ATG4B: variants seen among roughly 807,000 people sequenced by gnomAD.
The protein encoded by ATG4B is cysteine protease ATG4B.
In ATG4B, 29 loss-of-function variants were observed where a neutral mutation model predicts 56.6. The observed-to-expected ratio is 0.51, with a 90% confidence interval of 0.38 to 0.70. The LOEUF (loss-of-function observed/expected upper bound fraction) is 0.70, where lower values mean the gene tolerates loss of function less well. Among genes scored for constraint, ATG4B ranks in the 30% least tolerant of loss-of-function variants. The pLI is 0.00. For synonymous variants in ATG4B, 224 were observed against 206.1 expected (o/e 1.09, Z -0.74); for missense variants, 461 against 515.5 (o/e 0.89, Z 1.02).
chr2:241,655,419 C>A, intron 6 of ATG4B, 76 bp downstream of exon 6: 1 of 1,424,908 alleles, frequency 7.0e-7, no homozygotes, highest in Non-Finnish European at 9.7e-7. Context: ...CTTGAGTCTT[C>A]ATGGCTACAG....
At chr2:241,659,059 C>T (rs199943164) in intron 6 of ATG4B, 49 bp from the exon 7 acceptor site, 198 of 1,430,402 alleles carry the variant, frequency 1.4e-4, no homozygotes, top group Non-Finnish European at 1.6e-4. Flanking sequence ...AAAGATGAAC[C>T]GTCTTTGAAT....
intron 1 of ATG4B, among the ~76,000 whole-genome samples, chr2:241,642,393 TA>T (rs986735866): frequency 6.6e-6 from 1 of 151,754 alleles, no homozygotes; most frequent in Non-Finnish European, 1.5e-5. Context: ...CTTGGAGATT[TA>T]AAAAAAAGTA....
chr2:241,652,250 A>G (rs1405626426), intron 3 of ATG4B, among the ~76,000 whole-genome samples: 1 of 152,264 alleles, frequency 6.6e-6, no homozygotes, highest in Non-Finnish European at 1.5e-5. Flanking sequence ...ATAGTTGCTC[A>G]TTCCACAGTT....
At position 241,671,848 on chromosome 2, in the gene ATG4B, C is replaced by G. The variant is rs1203464536; in HGVS notation, c.1109-343C>G. ...TGAAGTGAGTGGCCGTGAGCGCGTCCTCCTCATCTCTGTCTCCCTGTGGGA... is the reference window on the plus strand; with the variant it reads ...TGAAGTGAGTGGCCGTGAGCGCGTCGTCCTCATCTCTGTCTCCCTGTGGGA... On this transcript the variant is annotated intron_variant, in intron 12 of 12. Transcript: ENST00000404914. 3.9e-6 allele frequency: 5 copies of G among 1,287,726 alleles called. No individual in the cohort carries two copies. The Admixed American group carries it at 1.0e-4, about 26-fold the overall frequency. 79.8% of individuals were successfully genotyped at this position (1,287,726 alleles called of 1,614,324 possible).
chr2:241,666,556 T>C, intron 7 of ATG4B, 89 bp from the exon 8 acceptor site: 1 of 1,382,002 alleles, frequency 7.2e-7, no homozygotes, highest in South Asian at 1.2e-5. Context: ...CCGCCCTTTT[T>C]CTGTTACACA....
At chr2:241,656,161 G>A (rs908286130) in intron 6 of ATG4B, among the ~76,000 whole-genome samples, 1 of 151,994 alleles carries the variant, frequency 6.6e-6, no homozygotes, top group African/African-American at 2.4e-5. Flanking sequence ...GGCATCCCAC[G>A]TTCCACATTC....
At chr2:241,660,441 C>T (rs1469655776) in intron 7 of ATG4B, among the ~76,000 whole-genome samples, 4 of 152,228 alleles carry the variant, frequency 2.6e-5, no homozygotes, top group African/African-American at 9.6e-5. Flanking sequence ...GCTTCTGCAG[C>T]ATTGAGAGCT....
chr2:241,654,582 G>A lies in ATG4B; in HGVS notation c.320G>A (p.Ser107Asn). 6.2e-7 allele frequency: 1 copy of A among 1,602,420 alleles called. No individual in the cohort carries two copies. The highest frequency in any genetic ancestry group is 2.2e-5 in the East Asian group (1 of 44,540). The change falls in exon 5 of 13, where the codon AGC becomes AAC. Residue 107 changes from serine to asparagine, a missense_variant. By Grantham distance (46) the Ser-to-Asn change is conservative (BLOSUM62 1). Transcript: ENST00000404914. Reference protein sequence around the residue: ...RWTQRKRQPDSYFSVLNAFID... With the variant: ...RWTQRKRQPDNYFSVLNAFID... ...ACACAAAGGAAGAGGCAGCCAGACA[G>A]CTACTTCAGCGTCCTCAACGCATTC...
At chr2:241,648,665 T>C (rs1000336502) in intron 1 of ATG4B, among the ~76,000 whole-genome samples, 1 of 151,542 alleles carries the variant, frequency 6.6e-6, no homozygotes, top group African/African-American at 2.4e-5. Flanking sequence ...GCTTGCTTCA[T>C]CTGGCTGCAG....
At chr2:241,649,721 G>A (rs2068171080) in intron 1 of ATG4B, among the ~76,000 whole-genome samples, 1 of 152,142 alleles carries the variant, frequency 6.6e-6, no homozygotes, top group Admixed American at 6.5e-5. Context: ...CAGTTCTGTG[G>A]ACAGGAAGAC....
At chr2:241,643,270 C>T (rs1445549011) in intron 1 of ATG4B, among the ~76,000 whole-genome samples, 1 of 151,462 alleles carries the variant, frequency 6.6e-6, no homozygotes, top group African/African-American at 2.4e-5. Context: ...GGTGTTGCGG[C>T]CTCAGCTCAT....
chr2:241,641,347 G>A (rs535651397), intron 1 of ATG4B, among the ~76,000 whole-genome samples: 3 of 152,252 alleles, frequency 2.0e-5, no homozygotes, highest in Non-Finnish European at 4.4e-5. Context: ...TCAGGAGATC[G>A]AGACCATCCT....
At position 241,671,238 on chromosome 2, in the gene ATG4B, C is replaced by T. The variant is rs1001097666; in HGVS notation, c.1015-74C>T. On this transcript the variant is annotated intron_variant, in intron 11 of 12. Transcript: ENST00000404914. ...GACAGGTTTGTCCGCTGGCTGTGGC[C>T]GGCTGGCCCCTTTCTCTTGGCCGCA... The T allele has an allele frequency of 1.2e-5, 16 of 1,361,046 alleles. No homozygotes were observed. The African/African-American group carries it at 1.3e-4, about 11-fold the overall frequency. The allele number at this position is 1,361,046 out of a possible 1,614,324, so 84.3% of individuals were successfully genotyped here.
rs1341211227 is a variant in ATG4B, at chr2:241,651,238, T to TG, written c.113-26_113-25insG. ...AAACTTAAGGCGTTGTGTGTGTGTGTTTTTTTTCTTTTAAACAACCTCTAG... is the reference window on the plus strand; with the variant it reads ...AAACTTAAGGCGTTGTGTGTGTGTGTGTTTTTTTCTTTTAAACAACCTCTAG... On this transcript the variant is annotated intron_variant, in intron 2 of 12. Coordinates refer to ENST00000404914, the MANE Select transcript of ATG4B (RefSeq NM_013325.5). The surrounding 1 kb of genome is among the most constrained non-coding windows in gnomAD (Gnocchi z 4.1). 14 of 1,576,172 alleles carry TG rather than the reference T, an allele frequency of 8.9e-6. No homozygotes were observed. Among genetic ancestry groups the TG allele is most frequent in the East Asian group, 4.6e-5 (2 of 43,944 alleles).
In ATG4B at chr2:241,670,758, T is replaced by C. The variant is rs1313602836; in HGVS notation, c.990T>C (p.Asn330=). Reference sequence around the variant, plus strand: ...TCTGTAAGACTGAAGATGACTTCAATGATTGGTGCCAGCAAGTCAAAAAGG... The same window carrying C: ...TCTGTAAGACTGAAGATGACTTCAACGATTGGTGCCAGCAAGTCAAAAAGG... ...GFFCKTEDDF[N]DWCQQVKKLS... The change falls in exon 11 of 13, where the codon AAT becomes AAC. Residue 330 remains asparagine (N), a synonymous_variant. Transcript: ENST00000404914. 6.2e-7 allele frequency: 1 copy of C among 1,610,978 alleles called. No homozygotes were observed. Among genetic ancestry groups the C allele is most frequent in the Non-Finnish European group, 8.5e-7 (1 of 1,178,672 alleles).
At chr2:241,640,531 A>G (rs1368461470) in intron 1 of ATG4B, among the ~76,000 whole-genome samples, 2 of 152,244 alleles carry the variant, frequency 1.3e-5, no homozygotes, top group Non-Finnish European at 2.9e-5. Flanking sequence ...TGTTCTAGAC[A>G]CTAGGACTAG....
At chr2:241,655,026 T>A in intron 5 of ATG4B, 1 of 586,966 alleles carries the variant, frequency 1.7e-6, no homozygotes, top group Non-Finnish European at 3.0e-6. Flanking sequence ...GCACTGTGTT[T>A]TCACTTATAG....
intron 6 of ATG4B, among the ~76,000 whole-genome samples, chr2:241,656,759 C>T (rs2068416801): frequency 6.6e-6 from 1 of 152,244 alleles, no homozygotes; most frequent in African/African-American, 2.4e-5. Context: ...GTGCTGGCCC[C>T]AGCCTGCTTC....
intron 1 of ATG4B, among the ~76,000 whole-genome samples, chr2:241,643,562 C>T (rs2067966132): frequency 6.7e-6 from 1 of 148,552 alleles, no homozygotes; most frequent in African/African-American, 2.5e-5. Flanking sequence ...AGAGATGGGT[C>T]TATATATTTA....
Sources: allele counts gnomAD v4.1 joint callset (sites outside exome capture counted in the v4.1 genomes callset), GRCh38; gene constraint gnomAD v4.1.1; non-coding constraint Gnocchi (gnomAD v3.1); transcripts MANE v1.5; gene names NCBI Gene and HGNC (gene_info 2026-07-23, HGNC 2026-07-21).